Variants in BABAM2 observed in about 807,000 individuals in gnomAD.
BABAM2 encodes BRISC and BRCA1 A complex member 2.
A neutral mutation model predicts 54.7 loss-of-function variants in BABAM2; 31 were observed. That is an observed-to-expected ratio of 0.57 (90% confidence interval 0.43 to 0.77). The LOEUF (loss-of-function observed/expected upper bound fraction) is 0.77. Ranked by LOEUF, BABAM2 falls within the 30% of genes least tolerant of loss-of-function variation. The pLI is 0.00. For missense variants in BABAM2, 364 were observed against 455.8 expected (o/e 0.80, Z 1.83); for synonymous variants, 167 against 162.9 (o/e 1.03, Z -0.19).
intron 6 of BABAM2, among the ~76,000 whole-genome samples, chr2:28,127,736 G>T (rs1305466951): frequency 1.3e-5 from 2 of 152,046 alleles, no homozygotes; most frequent in African/African-American, 2.4e-5. Context: ...AGGAAAAGAA[G>T]GGGTGGCATG....
chr2:28,264,274 A>T (rs2148141818), intron 10 of BABAM2, among the ~76,000 whole-genome samples: 1 of 152,318 alleles, frequency 6.6e-6, no homozygotes, highest in African/African-American at 2.4e-5. Flanking sequence ...GATACTAAAG[A>T]TATAGGACTG....
At chr2:27,936,397 C>T (rs1391136974) in intron 3 of BABAM2, among the ~76,000 whole-genome samples, 1 of 152,086 alleles carries the variant, frequency 6.6e-6, no homozygotes, top group Non-Finnish European at 1.5e-5. Flanking sequence ...TGGCGATTCC[C>T]CAGGGATCTA....
intron 7 of BABAM2, among the ~76,000 whole-genome samples, chr2:28,147,607 G>A (rs1671616370): frequency 6.6e-6 from 1 of 151,832 alleles, no homozygotes; most frequent in Non-Finnish European, 1.5e-5. Flanking sequence ...CCGAGTAGCT[G>A]GGACTACAGG....
At chr2:27,972,272 A>G (rs1480346281) in intron 3 of BABAM2, among the ~76,000 whole-genome samples, 2 of 152,210 alleles carry the variant, frequency 1.3e-5, no homozygotes, top group Admixed American at 6.5e-5. Context: ...TTTGGGGACT[A>G]TCGTGTAGAA....
At chr2:28,222,893 A>G (rs1036261890) in intron 7 of BABAM2, among the ~76,000 whole-genome samples, 3 of 152,210 alleles carry the variant, frequency 2.0e-5, no homozygotes, top group African/African-American at 7.2e-5. Context: ...AGCCTGGACC[A>G]TGAGGCACCC....
intron 3 of BABAM2, among the ~76,000 whole-genome samples, chr2:27,987,228 C>A (rs1216490400): frequency 6.6e-6 from 1 of 152,074 alleles, no homozygotes; most frequent in African/African-American, 2.4e-5. Flanking sequence ...AATGAGGAGA[C>A]CTTGTGGATA....
In BABAM2 at chr2:28,040,294, C is replaced by CTTTTTTTTTTTTTTTTTTTTTTTTT. The variant is rs397735161; in HGVS notation, c.496-5407_496-5406insTTTTTTTTTTTTTTTTTTTTTTTTT. Among the ~76,000 whole-genome samples, 43 of 59,494 alleles carry CTTTTTTTTTTTTTTTTTTTTTTTTT rather than the reference C, an allele frequency of 7.2e-4. 7 individuals carry two copies. The highest frequency in any genetic ancestry group is 1.3e-3 in the South Asian group (1 of 798). The allele number at this position is 59,494 out of a possible 152,430, so 39.0% of individuals were successfully genotyped here. A position where few individuals can be genotyped will look rare whatever the true frequency, so the allele number is the denominator to read the frequency against. ...CAGTGCCAGAATGAAAAACTGAATT[C>CTTTTTTTTTTTTTTTTTTTTTTTTT]TTTTTTTTTTTTTTTTTTTTTTTTG... is the stretch of plus-strand genomic sequence containing the variant. On this transcript the variant is annotated intron_variant, in intron 5 of 11. Coordinates refer to ENST00000379624, the MANE Select transcript of BABAM2 (RefSeq NM_199191.3).
At chr2:28,184,282 CTCT>C (rs1292575210) in intron 7 of BABAM2, among the ~76,000 whole-genome samples, 1 of 121,618 alleles carries the variant, frequency 8.2e-6, no homozygotes, top group Non-Finnish European at 1.8e-5. Flanking sequence ...CTCTCTCTCT[CTCT>C]CCCCCCCTCC....
chr2:28,289,830 G>A (rs925970381), intron 10 of BABAM2, among the ~76,000 whole-genome samples: 2 of 151,834 alleles, frequency 1.3e-5, no homozygotes, highest in African/African-American at 4.8e-5. Context: ...GAAAGGAATA[G>A]CAGAAAGGAA....
chr2:28,141,813 C>A (rs571948064), intron 7 of BABAM2, among the ~76,000 whole-genome samples: 1 of 152,206 alleles, frequency 6.6e-6, no homozygotes, highest in African/African-American at 2.4e-5. Context: ...AATAAAGCAT[C>A]ATTTACTTAG....
At chr2:27,925,145 A>G (rs984093563) in intron 2 of BABAM2, among the ~76,000 whole-genome samples, 1 of 152,148 alleles carries the variant, frequency 6.6e-6, no homozygotes, top group Non-Finnish European at 1.5e-5. Context: ...CCCACTTATG[A>G]TATTGGAAAG....
chr2:28,319,736 A>G (rs1689864163), intron 11 of BABAM2, among the ~76,000 whole-genome samples: 2 of 152,222 alleles, frequency 1.3e-5, no homozygotes, highest in Admixed American at 1.3e-4. Context: ...GCCCTAGGCC[A>G]GGTGCTTATG....
intron 3 of BABAM2, 62 bp from the exon 4 acceptor site, chr2:27,987,930 GT>G (rs1672518948): frequency 1.4e-6 from 2 of 1,396,082 alleles, no homozygotes; most frequent in African/African-American, 2.9e-5. Flanking sequence ...TTCTGATACA[GT>G]CTTCAGAATA....
At chr2:28,112,095 T>TTC (rs1229136237) in intron 6 of BABAM2, among the ~76,000 whole-genome samples, 33 of 7,484 alleles carry the variant, frequency 4.4e-3, no homozygotes, top group Non-Finnish European at 9.1e-3. Context: ...CTTTCTTTCT[T>TTC]TCTTTCTTTC....
intron 6 of BABAM2, among the ~76,000 whole-genome samples, chr2:28,068,711 C>T (rs894485323): frequency 1.3e-5 from 2 of 152,040 alleles, no homozygotes; most frequent in African/African-American, 4.8e-5. Flanking sequence ...ACAGATCTTA[C>T]TAAGAAAACC....
intron 6 of BABAM2, among the ~76,000 whole-genome samples, chr2:28,091,708 A>C (rs930093807): frequency 6.6e-6 from 1 of 152,242 alleles, no homozygotes; most frequent in African/African-American, 2.4e-5. Context: ...TTCCTTGTCT[A>C]TGTGGGTAAG....
chr2:28,146,720 A>C lies in BABAM2; in HGVS notation c.680+17340A>C, dbSNP rs368781228. On this transcript the variant is annotated intron_variant, in intron 7 of 11. Transcript: ENST00000379624. The stretch of plus-strand genomic sequence containing the variant: ...GAGGCTGAACTGGGCTTTTGGTCAG[A>C]ACTGGAGGCCTAGGGGATTTTCAGC... Among the ~76,000 whole-genome samples, 14 of 152,136 alleles carry C rather than the reference A, an allele frequency of 9.2e-5. No individual in the cohort carries two copies. The East Asian group carries it at 2.1e-3, about 23-fold the overall frequency.
At chr2:28,192,814 G>A (rs1190727090) in intron 7 of BABAM2, among the ~76,000 whole-genome samples, 2 of 151,336 alleles carry the variant, frequency 1.3e-5, no homozygotes, top group African/African-American at 2.4e-5. Flanking sequence ...GAGCCACCAC[G>A]CCCGGCCTAT....
intron 10 of BABAM2, among the ~76,000 whole-genome samples, chr2:28,295,706 G>A (rs1474937512): frequency 4.0e-5 from 6 of 151,886 alleles, no homozygotes; most frequent in South Asian, 2.1e-4. Context: ...CATGTTGGCC[G>A]GGCTGGTCTC....
Sources: allele counts gnomAD v4.1 joint callset (sites outside exome capture counted in the v4.1 genomes callset), GRCh38; gene constraint gnomAD v4.1.1; transcripts MANE v1.5; gene names NCBI Gene and HGNC (gene_info 2026-07-23, HGNC 2026-07-21).